Variants in PDE10A observed in about 807,000 individuals in gnomAD.
PDE10A encodes phosphodiesterase 10A.
PDE10A carries 39 observed loss-of-function variants against 97.7 expected under a neutral mutation model. The ratio of observed to expected loss-of-function variants is 0.40; its 90% CI spans 0.31 to 0.52. The LOEUF (loss-of-function observed/expected upper bound fraction) is 0.52. Ranked by LOEUF, PDE10A falls within the 20% of genes least tolerant of loss-of-function variation. PDE10A has a pLI of 0.56. For synonymous variants in PDE10A, 371 were observed against 376.8 expected (o/e 0.98, Z 0.18); for missense variants, 731 against 1,047.8 (o/e 0.70, Z 4.17).
intron 2 of PDE10A, among the ~76,000 whole-genome samples, chr6:165,501,453 C>T (rs929400496): frequency 2.0e-5 from 3 of 151,652 alleles, no homozygotes; most frequent in Admixed American, 2.0e-4. Context: ...CCCAGCTACT[C>T]AGGAGGCTAC....
At chr6:165,614,474 A>G (rs1048593305) in intron 1 of PDE10A, among the ~76,000 whole-genome samples, 2 of 152,058 alleles carry the variant, frequency 1.3e-5, no homozygotes, top group African/African-American at 4.8e-5. Context: ...CTGTCCTCAC[A>G]CGCCACTTCC....
At chr6:165,353,329 C>G (rs867054437) in intron 18 of PDE10A, among the ~76,000 whole-genome samples, 6 of 152,270 alleles carry the variant, frequency 3.9e-5, no homozygotes, top group African/African-American at 9.6e-5. Flanking sequence ...GTATTTCATA[C>G]AGTATGTCAT....
intron 1 of PDE10A, among the ~76,000 whole-genome samples, chr6:165,848,261 GCA>G (rs1780477593): frequency 6.6e-6 from 1 of 152,130 alleles, no homozygotes; most frequent in Non-Finnish European, 1.5e-5. Flanking sequence ...AGGATGGCGA[GCA>G]ACATGGGCCA....
chr6:165,923,852 C>T (rs900497268), intron 1 of PDE10A, among the ~76,000 whole-genome samples: 23 of 151,978 alleles, frequency 1.5e-4, no homozygotes, highest in African/African-American at 5.6e-4. Context: ...ATATAAAATG[C>T]ATTCTACCCT....
At chr6:165,337,929 A>C (rs1033543986) in intron 20 of PDE10A, among the ~76,000 whole-genome samples, 1 of 152,228 alleles carries the variant, frequency 6.6e-6, no homozygotes, top group Non-Finnish European at 1.5e-5. Context: ...AGAAGAAACT[A>C]AAGAAAATAT....
intron 1 of PDE10A, among the ~76,000 whole-genome samples, chr6:165,567,642 T>C (rs1434725889): frequency 6.6e-6 from 1 of 152,148 alleles, no homozygotes; most frequent in Non-Finnish European, 1.5e-5. Flanking sequence ...AGGTATTTCG[T>C]CTCTCTCAAT....
At chr6:165,381,881 G>A (rs577925964) in intron 17 of PDE10A, among the ~76,000 whole-genome samples, 1 of 152,186 alleles carries the variant, frequency 6.6e-6, no homozygotes, top group South Asian at 2.1e-4. Flanking sequence ...CAGACAAACA[G>A]TATCTTCTTT....
intron 5 of PDE10A, among the ~76,000 whole-genome samples, chr6:165,436,763 A>T (rs1321166385): frequency 6.6e-6 from 1 of 152,114 alleles, no homozygotes; most frequent in African/African-American, 2.4e-5. Flanking sequence ...GGCTGGAAAA[A>T]CCATTTTCTA....
At chr6:165,915,407 A>G (rs975143689) in intron 1 of PDE10A, among the ~76,000 whole-genome samples, 43 of 152,366 alleles carry the variant, frequency 2.8e-4, no homozygotes, top group African/African-American at 9.9e-4. Flanking sequence ...GAATGCTACA[A>G]TGAGCAGTTA....
chr6:165,751,164 A>G (rs1275621778), intron 1 of PDE10A, among the ~76,000 whole-genome samples: 2 of 152,210 alleles, frequency 1.3e-5, no homozygotes, highest in African/African-American at 4.8e-5. Context: ...CAGGCAACCC[A>G]GAGTCACCAC....
chr6:165,551,343 C>A (rs941097447), intron 1 of PDE10A, among the ~76,000 whole-genome samples: 6 of 152,154 alleles, frequency 3.9e-5, no homozygotes, highest in African/African-American at 1.4e-4. Flanking sequence ...TCCTTCCCCA[C>A]CAAAAAGATA....
At chr6:165,817,874 G>T (rs537287260) in intron 1 of PDE10A, among the ~76,000 whole-genome samples, 1 of 152,194 alleles carries the variant, frequency 6.6e-6, no homozygotes, top group Non-Finnish European at 1.5e-5. Flanking sequence ...TCTTAAGTGC[G>T]GTAGAATGTT....
chr6:165,839,556 G>A lies in PDE10A; in HGVS notation c.-615+147973C>T, dbSNP rs867227137. 3.9e-5 allele frequency among the ~76,000 whole-genome samples: 6 copies of A among 152,274 alleles called. 1 individual carries two copies. The highest frequency in any genetic ancestry group is 6.8e-3 in the Middle Eastern group (2 of 294). Reference sequence around the variant, plus strand: ...GGAGAAACAATTCCGAAAGATGAGAGTGCTCTCTACGTAAGTCCACAGTGG... The same window carrying A: ...GGAGAAACAATTCCGAAAGATGAGAATGCTCTCTACGTAAGTCCACAGTGG... On this transcript the variant is annotated intron_variant, in intron 1 of 19. Transcript: ENST00000366882.
intron 18 of PDE10A, among the ~76,000 whole-genome samples, chr6:165,370,008 A>C (rs1195795396): frequency 2.2e-5 from 1 of 44,982 alleles, no homozygotes; most frequent in East Asian, 5.8e-4. Context: ...GAAATAAAAT[A>C]CTTTACAGAC....
At chr6:165,784,771 G>T (rs1198685051) in intron 1 of PDE10A, among the ~76,000 whole-genome samples, 1 of 152,152 alleles carries the variant, frequency 6.6e-6, no homozygotes, top group African/African-American at 2.4e-5. Flanking sequence ...GGGTTTGCAT[G>T]GGAAACTGTA....
intron 1 of PDE10A, among the ~76,000 whole-genome samples, chr6:165,612,570 A>G (rs755177658): frequency 1.2e-4 from 18 of 152,034 alleles, no homozygotes; most frequent in African/African-American, 4.1e-4. Context: ...GGTTTTTGCC[A>G]TGTTGGCCAG....
At chr6:165,457,231 A>AT (rs781155758) in intron 3 of PDE10A, among the ~76,000 whole-genome samples, 1 of 152,214 alleles carries the variant, frequency 6.6e-6, no homozygotes, top group Non-Finnish European at 1.5e-5. Context: ...TTTTTACAGC[A>AT]TTTTTAACTT....
intron 1 of PDE10A, among the ~76,000 whole-genome samples, chr6:165,575,954 T>G (rs139077940): frequency 6.6e-6 from 1 of 152,114 alleles, no homozygotes; most frequent in African/African-American, 2.4e-5. Flanking sequence ...AATATCATTA[T>G]CTCAGTCTTC....
intron 1 of PDE10A, among the ~76,000 whole-genome samples, chr6:165,576,007 C>A (rs1021515188): frequency 6.6e-6 from 1 of 152,144 alleles, no homozygotes; most frequent in African/African-American, 2.4e-5. Flanking sequence ...TTAACTAATC[C>A]GTTAGTTTCT....
Sources: gnomAD v4.1 joint callset for allele counts (sites outside exome capture counted in the v4.1 genomes callset) on GRCh38, gnomAD v4.1.1 for gene constraint, MANE v1.5 for transcripts, NCBI Gene and HGNC (gene_info 2026-07-23, HGNC 2026-07-21) for gene names.